Variants in WDR64 observed in about 807,000 individuals in gnomAD.
The protein encoded by WDR64 is WD repeat domain 64.
Under a neutral mutation model 139.3 loss-of-function variants are expected in WDR64, and 112 were observed. The ratio of observed to expected loss-of-function variants is 0.80; its 90% CI spans 0.69 to 0.94. The LOEUF (loss-of-function observed/expected upper bound fraction) is 0.94. WDR64 is among the 40% of genes least tolerant of loss of function. The pLI is 0.00. For missense variants in WDR64, 1,206 were observed against 1,293.1 expected (o/e 0.93, Z 1.03); for synonymous variants, 444 against 437.7 (o/e 1.01, Z -0.18).
chr1:241,692,509 G>GGAATA (rs1404889676), intron 8 of WDR64, among the ~76,000 whole-genome samples: 1 of 152,068 alleles, frequency 6.6e-6, no homozygotes, highest in Non-Finnish European at 1.5e-5. Flanking sequence ...AGGAGCAAAG[G>GGAATA]GAATACAATG....
At chr1:241,684,697 T>C (rs1031065711) in intron 7 of WDR64, among the ~76,000 whole-genome samples, 6 of 152,330 alleles carry the variant, frequency 3.9e-5, no homozygotes, top group African/African-American at 1.4e-4. Flanking sequence ...CATTAATACA[T>C]TGGGACTTGG....
At chr1:241,755,158 A>G (rs1330998947) in intron 14 of WDR64, among the ~76,000 whole-genome samples, 30 of 152,184 alleles carry the variant, frequency 2.0e-4, no homozygotes, top group Non-Finnish European at 1.2e-4. Flanking sequence ...TGTCTTCCAC[A>G]ATGGTTGAAC....
intron 1 of WDR64, among the ~76,000 whole-genome samples, chr1:241,655,243 C>T (rs369906411): frequency 6.6e-6 from 1 of 151,960 alleles, no homozygotes. Flanking sequence ...ATTAGCTGGG[C>T]ATGGTGACGT....
chr1:241,781,598 A>G (rs984636131), intron 22 of WDR64, among the ~76,000 whole-genome samples: 21 of 145,900 alleles, frequency 1.4e-4, no homozygotes, highest in African/African-American at 5.3e-4. Flanking sequence ...ATTCTGAAAG[A>G]TAAGTCGAAA....
Position 241,796,315 on chromosome 1 carries a change from ACT to A in WDR64, c.3140_3141del (p.Ser1047PhefsTer16). ...CTGATTGGCGTAGAAGCCCAAAAGGACTCTTCAGATGGCATTACAGGAAAGAA... is the reference window on the plus strand; with the variant it reads ...CTGATTGGCGTAGAAGCCCAAAAGGACTTCAGATGGCATTACAGGAAAGAA... On this transcript the variant is annotated frameshift_variant, in exon 27 of 28. Transcript: ENST00000437684. LOFTEE classifies it high-confidence loss of function. The A allele has an allele frequency of 6.2e-7, 1 of 1,613,756 alleles. No individual in the cohort carries two copies. The highest frequency in any genetic ancestry group is 8.5e-7 in the Non-Finnish European group (1 of 1,179,910).
intron 23 of WDR64, among the ~76,000 whole-genome samples, chr1:241,784,002 G>A (rs1359668752): frequency 6.6e-6 from 1 of 152,236 alleles, no homozygotes; most frequent in African/African-American, 2.4e-5. Context: ...GTAAGATTAA[G>A]AGAGGTAGAG....
intron 6 of WDR64, 100 bp downstream of exon 6, chr1:241,679,695 T>C: frequency 1.0e-6 from 1 of 978,940 alleles, no homozygotes; most frequent in Admixed American, 2.3e-5. Flanking sequence ...AGTTTCTTCA[T>C]CTATAAAATG....
intron 10 of WDR64, among the ~76,000 whole-genome samples, chr1:241,731,250 T>C (rs1669066747): frequency 6.6e-6 from 1 of 152,054 alleles, no homozygotes; most frequent in African/African-American, 2.4e-5. Flanking sequence ...GGTGCATGCC[T>C]GCAGTCCCAG....
At chr1:241,791,971 G>T (rs1290573413) in intron 25 of WDR64, among the ~76,000 whole-genome samples, 7 of 152,160 alleles carry the variant, frequency 4.6e-5, no homozygotes, top group African/African-American at 1.7e-4. Flanking sequence ...CTAGAGAACA[G>T]ATATAAAATG....
At chr1:241,736,531 T>C (rs1367777076) in intron 10 of WDR64, among the ~76,000 whole-genome samples, 2 of 151,986 alleles carry the variant, frequency 1.3e-5, no homozygotes, top group Admixed American at 6.6e-5. Flanking sequence ...AAGAAGGTTT[T>C]TGGAAATGCA....
intron 23 of WDR64, among the ~76,000 whole-genome samples, chr1:241,787,614 G>A (rs1017095931): frequency 5.4e-5 from 8 of 147,694 alleles, no homozygotes; most frequent in African/African-American, 1.5e-4. Context: ...GCAGTGAGTC[G>A]AGATCATGCC....
chr1:241,799,202 C>CAAAAAAAAAAAAA (rs4046210), intron 27 of WDR64, among the ~76,000 whole-genome samples: 433 of 33,296 alleles, frequency 0.013, 84 homozygotes, highest in African/African-American at 0.056. Flanking sequence ...TTTGTCTCTC[C>CAAAAAAAAAAAAA]AAAAAAAAAA....
chr1:241,736,288 C>A (rs1201663904), intron 10 of WDR64, among the ~76,000 whole-genome samples: 1 of 151,868 alleles, frequency 6.6e-6, no homozygotes, highest in East Asian at 1.9e-4. Context: ...GCTTTGGAGC[C>A]CTGCTGTTTC....
At chr1:241,747,529 C>T (rs765151492) in intron 13 of WDR64, among the ~76,000 whole-genome samples, 2 of 152,138 alleles carry the variant, frequency 1.3e-5, no homozygotes, top group Non-Finnish European at 2.9e-5. Context: ...AACACTGATA[C>T]AAATCTTTAA....
intron 21 of WDR64, 111 bp from the exon 22 acceptor site, chr1:241,779,893 G>A (rs903917333): frequency 7.4e-6 from 5 of 675,852 alleles, no homozygotes; most frequent in Non-Finnish European, 1.2e-5. Context: ...GTTTTCTCAG[G>A]TTCTGTTTTA....
chr1:241,705,337 C>G (rs376961363), intron 8 of WDR64, among the ~76,000 whole-genome samples: 47 of 151,754 alleles, frequency 3.1e-4, no homozygotes, highest in Non-Finnish European at 4.1e-4. Context: ...GTCAGGAGAT[C>G]GAGACCATCC....
At chr1:241,707,017 C>G (rs1382201919) in intron 8 of WDR64, among the ~76,000 whole-genome samples, 3 of 152,112 alleles carry the variant, frequency 2.0e-5, no homozygotes, top group Non-Finnish European at 2.9e-5. Flanking sequence ...TGGCTCTGGG[C>G]CCGGGCTCCC....
chr1:241,791,004 G>A (rs1243140358), intron 25 of WDR64, among the ~76,000 whole-genome samples: 2 of 152,004 alleles, frequency 1.3e-5, no homozygotes, highest in Non-Finnish European at 1.5e-5. Context: ...GCCAGCAATG[G>A]GCCAGACATG....
At chr1:241,787,493 C>T (rs1195190283) in intron 23 of WDR64, among the ~76,000 whole-genome samples, 3 of 151,632 alleles carry the variant, frequency 2.0e-5, no homozygotes, top group Non-Finnish European at 4.4e-5. Context: ...GGTGAAACCC[C>T]GTCTCTACTA....
Sources: allele counts gnomAD v4.1 joint callset (sites outside exome capture counted in the v4.1 genomes callset), GRCh38; gene constraint gnomAD v4.1.1; transcripts MANE v1.5; gene names NCBI Gene and HGNC (gene_info 2026-07-23, HGNC 2026-07-21).